Variants in MAGED1 observed in about 807,000 individuals in gnomAD.
MAGED1 encodes MAGE family member D1.
A neutral mutation model predicts 54.1 loss-of-function variants in MAGED1; 3 were observed. The observed-to-expected ratio is 0.06, with a 90% CI of 0.03 to 0.14. The LOEUF is 0.14. Ranked by LOEUF, MAGED1 falls within the 10% of genes least tolerant of loss-of-function variation. MAGED1 has a pLI of 1.00. For synonymous variants in MAGED1, 217 were observed against 227.3 expected, an observed-to-expected ratio of 0.95 and a Z score of 0.41; for missense variants, 485 against 623.4, an observed-to-expected ratio of 0.78 and a Z score of 2.36.
chrX:51,890,848 A>AC (rs1322837206), upstream of MAGED1, among the ~76,000 whole-genome samples: 12 of 110,209 alleles, frequency 1.1e-4, no homozygotes, highest in African/African-American at 3.6e-4. Context: ...AAAAAAAAAA[A>AC]AGGAAAAGTC....
At chrX:51,883,479 C>T (rs1557362627) in intron 1 of MAGED1, among the ~76,000 whole-genome samples, 2 of 112,003 alleles carry the variant, frequency 1.8e-5, no homozygotes, top group Non-Finnish European at 3.8e-5. Context: ...AGTATGGAAC[C>T]TGGACTTCCA....
intron 1 of MAGED1, among the ~76,000 whole-genome samples, chrX:51,851,881 AAACCACAGATAAGGGGG>A (rs1557359789): frequency 8.9e-6 from 1 of 111,985 alleles, no homozygotes; most frequent in Non-Finnish European, 1.9e-5. Context: ...GCAGAAAGTG[AAACCACAGATAAGGGGG>A]TACTGCTGTA....
At chrX:51,901,489 A>C in intron 11 of MAGED1, 64 bp from the exon 12 acceptor site, 1 of 1,005,358 alleles carries the variant, frequency 9.9e-7, no homozygotes, top group Non-Finnish European at 1.3e-6. Context: ...ATGGACAGGT[A>C]GGTTGATTCC....
intron 1 of MAGED1, among the ~76,000 whole-genome samples, chrX:51,845,268 AAAAC>A (rs1343421413): frequency 3.6e-5 from 4 of 111,581 alleles, no homozygotes; most frequent in Admixed American, 9.5e-5. Context: ...GCAACAAAAC[AAAAC>A]AAACAAACAA....
chrX:51,865,844 C>A (rs1927443120), intron 1 of MAGED1, among the ~76,000 whole-genome samples: 1 of 111,465 alleles, frequency 9.0e-6, no homozygotes, highest in African/African-American at 3.3e-5. Flanking sequence ...TTCCCCCTTG[C>A]TGTTCTCATG....
intron 1 of MAGED1, among the ~76,000 whole-genome samples, chrX:51,855,390 T>A (rs782199323): frequency 1.8e-5 from 2 of 111,426 alleles, no homozygotes; most frequent in South Asian, 7.7e-4. Context: ...GTATATACAG[T>A]TTTGTATCAT....
chrX:51,824,823 CAT>C (rs1303654415), intron 1 of MAGED1, among the ~76,000 whole-genome samples: 16 of 73,303 alleles, frequency 2.2e-4, no homozygotes, highest in Non-Finnish European at 3.0e-4. Context: ...TGTATATATA[CAT>C]ATATATATAT....
At chrX:51,803,583 A>C (rs1370154667) in intron 1 of MAGED1, among the ~76,000 whole-genome samples, 1 of 105,834 alleles carries the variant, frequency 9.4e-6, no homozygotes, top group East Asian at 3.0e-4. Flanking sequence ...GGAGACCAGT[A>C]AATTACGTAC....
At chrX:51,819,752 G>T (rs1167128438) in intron 1 of MAGED1, among the ~76,000 whole-genome samples, 1 of 111,193 alleles carries the variant, frequency 9.0e-6, no homozygotes, top group Non-Finnish European at 1.9e-5. Context: ...TTTATGGGTT[G>T]TCTTTTCACT....
At chrX:51,841,290 T>A (rs1926468234) in intron 1 of MAGED1, among the ~76,000 whole-genome samples, 1 of 111,012 alleles carries the variant, frequency 9.0e-6, no homozygotes, top group African/African-American at 3.3e-5. Flanking sequence ...TTGTTTGTTT[T>A]TTTCTTGTAA....
At chrX:51,898,061 G>T in intron 7 of MAGED1, 53 bp from the exon 8 acceptor site, 1 of 1,090,878 alleles carries the variant, frequency 9.2e-7, no homozygotes. Context: ...AAGCTGGTTG[G>T]GGTCTCTCAT....
intron 1 of MAGED1, among the ~76,000 whole-genome samples, chrX:51,814,957 C>A (rs1334036414): frequency 5.2e-5 from 5 of 95,243 alleles, no homozygotes; most frequent in Non-Finnish European, 1.0e-4. Context: ...AGGGTGAAAA[C>A]CTCTCTCTTA....
upstream of MAGED1, among the ~76,000 whole-genome samples, chrX:51,891,653 C>T (rs1928440752): frequency 8.9e-6 from 1 of 112,107 alleles, no homozygotes; most frequent in Non-Finnish European, 1.9e-5. Flanking sequence ...GAGGTTTACA[C>T]TCTAAATGGG....
At chrX:51,840,403 G>A (rs1174663526) in intron 1 of MAGED1, among the ~76,000 whole-genome samples, 1 of 109,800 alleles carries the variant, frequency 9.1e-6, no homozygotes, top group Non-Finnish European at 1.9e-5. Context: ...TTTGAGAACC[G>A]CTGCTCAAGA....
chrX:51,803,605 A>G (rs1464595994), intron 1 of MAGED1, among the ~76,000 whole-genome samples: 4 of 93,824 alleles, frequency 4.3e-5, no homozygotes, highest in Non-Finnish European at 8.3e-5. Flanking sequence ...TTGCAACAGT[A>G]GGTGTGACTT....
intron 1 of MAGED1, among the ~76,000 whole-genome samples, chrX:51,816,917 G>A (rs2146953878): frequency 9.0e-6 from 1 of 111,267 alleles, no homozygotes; most frequent in East Asian, 2.8e-4. Context: ...TTACTACTGG[G>A]GCTCAAATTG....
intron 1 of MAGED1, among the ~76,000 whole-genome samples, chrX:51,879,301 A>T (rs928195760): frequency 1.8e-5 from 2 of 111,582 alleles, no homozygotes; most frequent in African/African-American, 6.5e-5. Flanking sequence ...TTTCTGCCCG[A>T]AGAAAATCTT....
rs1216526028 is a variant in MAGED1 at position 51,899,344 on chromosome X, T to C, written c.1844+701T>C. Reference sequence around the variant, plus strand: ...TCTTAGTAGAGACGGTGTTTCTCCATGTTAGGCTGGTCTCAAACTCCCGAC... The same window carrying C: ...TCTTAGTAGAGACGGTGTTTCTCCACGTTAGGCTGGTCTCAAACTCCCGAC... On this transcript the variant is annotated intron_variant, in intron 10 of 12. Transcript: ENST00000326587. 7 of 110,848 alleles carry C rather than the reference T, an allele frequency of 6.3e-5. No individual in the cohort carries two copies. In the Admixed American group the frequency reaches 6.7e-4, roughly 11 times the overall value. The allele number at this position is 110,848 out of a possible 1,213,427, so 9.1% of individuals were successfully genotyped here.
chrX:51,893,045 A>G (rs1386541370), upstream of MAGED1, among the ~76,000 whole-genome samples: 4 of 110,174 alleles, frequency 3.6e-5, no homozygotes, highest in Admixed American at 1.9e-4. Context: ...GAAGAAACTA[A>G]CGTTCTTTCT....
Sources: allele counts gnomAD v4.1 joint callset (sites outside exome capture counted in the v4.1 genomes callset), GRCh38; gene constraint gnomAD v4.1.1; transcripts MANE v1.5; gene names NCBI Gene and HGNC (gene_info 2026-07-23, HGNC 2026-07-21).